ZNF385D: variants seen among roughly 807,000 people sequenced by gnomAD.
ZNF385D encodes the protein zinc finger protein 385D.
ZNF385D carries 15 observed loss-of-function variants against 35.8 expected under a neutral mutation model. That is an observed-to-expected ratio of 0.42 (90% CI 0.28 to 0.64). The LOEUF is 0.64. Ranked by LOEUF, ZNF385D falls within the 30% of genes least tolerant of loss-of-function variation. The probability of loss-of-function intolerance (pLI) is 0.23; values close to 1 mark genes in which losing one functional copy is unlikely to be tolerated. For missense variants in ZNF385D, 474 were observed against 494.6 expected (o/e 0.96, Z 0.39); for synonymous variants, 212 against 186.8 (o/e 1.13, Z -1.10).
chr3:22,123,024 T>C (rs1703181500), intron 3 of ZNF385D, among the ~76,000 whole-genome samples: 1 of 152,164 alleles, frequency 6.6e-6, no homozygotes, highest in Non-Finnish European at 1.5e-5. Flanking sequence ...TGGGTTGTCA[T>C]GGAGGACAAC....
intron 1 of ZNF385D, among the ~76,000 whole-genome samples, chr3:21,685,184 G>A (rs144131647): frequency 2.0e-5 from 3 of 152,280 alleles, no homozygotes; most frequent in Admixed American, 1.3e-4. Flanking sequence ...CTCAGCAAGA[G>A]AGAAATAGAT....
At chr3:22,122,166 G>C (rs1576355759) in intron 3 of ZNF385D, among the ~76,000 whole-genome samples, 1 of 151,764 alleles carries the variant, frequency 6.6e-6, no homozygotes, top group African/African-American at 2.4e-5. Context: ...TGTTACCTTG[G>C]GTAAAAATCT....
intron 3 of ZNF385D, among the ~76,000 whole-genome samples, chr3:22,035,376 G>A (rs964347807): frequency 1.3e-5 from 2 of 152,084 alleles, no homozygotes; most frequent in Non-Finnish European, 2.9e-5. Context: ...TGAATGTTAA[G>A]CAAAATGTTG....
intron 3 of ZNF385D, among the ~76,000 whole-genome samples, chr3:22,146,358 A>G (rs1704852676): frequency 6.6e-6 from 1 of 152,190 alleles, no homozygotes; most frequent in Non-Finnish European, 1.5e-5. Flanking sequence ...CATTACCATC[A>G]TTAACTGCAA....
At chr3:22,003,931 A>T (rs1309930688) in intron 3 of ZNF385D, among the ~76,000 whole-genome samples, 1 of 147,660 alleles carries the variant, frequency 6.8e-6, no homozygotes, top group African/African-American at 2.4e-5. Flanking sequence ...AAAGACCCCA[A>T]ATAGTCAAAG....
At chr3:22,304,018 G>A (rs1703067770) in intron 2 of ZNF385D, among the ~76,000 whole-genome samples, 1 of 151,994 alleles carries the variant, frequency 6.6e-6, no homozygotes, top group Non-Finnish European at 1.5e-5. Context: ...CCTCAGGTAA[G>A]CCGCCCACCT....
At chr3:22,104,851 A>T (rs887127753) in intron 3 of ZNF385D, among the ~76,000 whole-genome samples, 1 of 152,174 alleles carries the variant, frequency 6.6e-6, no homozygotes, top group Admixed American at 6.6e-5. Context: ...ACTTGAGTGA[A>T]TTAACTAAAA....
rs146597775 is a variant in ZNF385D, at chr3:22,247,539, T to A, written c.107-78504A>T. On this transcript the variant is annotated intron_variant, in intron 2 of 5. Transcript: ENST00000494108. ...ACCATACGGTATAATTTCTTGAAAA[T>A]CACACAAATTAAAGAGTCTTTGATT... Among the ~76,000 whole-genome samples, 916 of 152,172 alleles carry A rather than the reference T, an allele frequency of 6.0e-3. 6 individuals are homozygous for A. Among genetic ancestry groups the A allele is most frequent in the African/African-American group, 0.021 (866 of 41,540 alleles).
At chr3:22,195,037 A>G (rs1253282404) in intron 2 of ZNF385D, among the ~76,000 whole-genome samples, 1 of 151,906 alleles carries the variant, frequency 6.6e-6, no homozygotes, top group Non-Finnish European at 1.5e-5. Flanking sequence ...TTTATAAGAA[A>G]CTGCAAATTA....
chr3:21,520,854 A>C (rs998858457), intron 3 of ZNF385D, among the ~76,000 whole-genome samples: 2 of 152,182 alleles, frequency 1.3e-5, no homozygotes, highest in Admixed American at 1.3e-4. Context: ...CTTTGTTAAC[A>C]CCATTTTTAA....
At chr3:22,257,605 T>G (rs1341359191) in intron 2 of ZNF385D, among the ~76,000 whole-genome samples, 1 of 151,854 alleles carries the variant, frequency 6.6e-6, no homozygotes. Context: ...CTATTGTGGA[T>G]GAAGGAAAAT....
At chr3:21,503,421 A>G (rs946683984) in intron 4 of ZNF385D, among the ~76,000 whole-genome samples, 1 of 152,172 alleles carries the variant, frequency 6.6e-6, no homozygotes, top group East Asian at 1.9e-4. Context: ...GAAAACAGAC[A>G]CAAAAGCTAA....
intron 3 of ZNF385D, among the ~76,000 whole-genome samples, chr3:22,033,210 G>A (rs554950854): frequency 2.0e-5 from 3 of 151,864 alleles, no homozygotes; most frequent in South Asian, 2.1e-4. Flanking sequence ...GAGACCAAAC[G>A]GGACAACATG....
intron 3 of ZNF385D, among the ~76,000 whole-genome samples, chr3:21,920,392 T>A (rs931289658): frequency 6.6e-5 from 10 of 152,212 alleles, no homozygotes; most frequent in African/African-American, 2.4e-4. Flanking sequence ...GTTACAGCTG[T>A]GACATTTTGA....
In ZNF385D at chr3:22,259,097, G is replaced by T. The variant is rs551810059; in HGVS notation, c.107-90062C>A. ...GAACTATTTTAAATTGGGCTACCTT[G>T]CTCTTTGAGTAAATATTTCTCTTGC... On this transcript the variant is annotated intron_variant, in intron 2 of 5. Transcript: ENST00000494108. Among the ~76,000 whole-genome samples the T allele has an allele frequency of 2.0e-5, 3 of 151,970 alleles. No homozygotes were observed. In the South Asian group the frequency reaches 6.2e-4, roughly 31 times the overall value.
At chr3:22,324,381 G>C (rs1694579686) in intron 2 of ZNF385D, among the ~76,000 whole-genome samples, 2 of 151,964 alleles carry the variant, frequency 1.3e-5, no homozygotes, top group South Asian at 4.2e-4. Flanking sequence ...TTTCAGCAAG[G>C]GGTCCATTTG....
In ZNF385D at chr3:21,646,779, G is replaced by C. The variant is rs1185232822; in HGVS notation, c.165+18107C>G. On this transcript the variant is annotated intron_variant, in intron 2 of 7. Coordinates refer to ENST00000281523, the MANE Select transcript of ZNF385D (RefSeq NM_024697.3). This position sits in a 1 kb window ranked among gnomAD's most constrained non-coding sequence, Gnocchi z 4.3. ...GGGAATGTATTAAACCTGCATTCTG[G>C]GCCTATGGCTTTCATACATTCGGTC... Among the ~76,000 whole-genome samples, 1 of 152,034 alleles carries C rather than the reference G, an allele frequency of 6.6e-6. No homozygotes were observed. The highest frequency in any genetic ancestry group is 1.5e-5 in the Non-Finnish European group (1 of 68,010).
intron 3 of ZNF385D, among the ~76,000 whole-genome samples, chr3:22,080,942 T>A (rs1700720471): frequency 6.6e-6 from 1 of 152,168 alleles, no homozygotes; most frequent in South Asian, 2.1e-4. Flanking sequence ...CTTCCCAACA[T>A]GCAGAACTGT....
Position 21,564,604 on chromosome 3 carries a change from G to A in ZNF385D, c.246C>T (p.Cys82=), listed in dbSNP as rs768508834. 3 of 1,561,772 alleles carry A rather than the reference G, an allele frequency of 1.9e-6. No homozygotes were observed. The East Asian group carries it at 7.1e-5, about 37-fold the overall frequency. The change falls in exon 3 of 8, where the codon TGC becomes TGT. Residue 82 remains cysteine, a synonymous_variant. Transcript: ENST00000281523. ...LPHRRKQIIS[C]NICQLRFNSD... Reference sequence around the variant, plus strand: ...AATTAAATCTCAACTGGCAAATGTTGCATGATATGATTTGCTTTCTTCGGT... The same window carrying A: ...AATTAAATCTCAACTGGCAAATGTTACATGATATGATTTGCTTTCTTCGGT...
Sources: allele counts gnomAD v4.1 joint callset (sites outside exome capture counted in the v4.1 genomes callset), GRCh38; gene constraint gnomAD v4.1.1; non-coding constraint Gnocchi (gnomAD v3.1); transcripts MANE v1.5; gene names NCBI Gene and HGNC (gene_info 2026-07-23, HGNC 2026-07-21).